Variants in DHRS7C observed in about 807,000 individuals in gnomAD.
DHRS7C encodes dehydrogenase/reductase SDR family member 7C.
DHRS7C carries 28 observed loss-of-function variants against 29.6 expected under a neutral mutation model. The ratio of observed to expected loss-of-function variants is 0.95; its 90% confidence interval spans 0.70 to 1.30. The LOEUF (loss-of-function observed/expected upper bound fraction) is 1.30. Among genes scored for constraint, DHRS7C ranks in the 50% most tolerant of loss-of-function variants. The pLI, the probability that DHRS7C is intolerant of heterozygous loss-of-function variation, is 0.00. For synonymous variants in DHRS7C, 158 were observed against 160.2 expected, an observed-to-expected ratio of 0.99 and a Z score of 0.10; for missense variants, 403 against 393.3, an observed-to-expected ratio of 1.02 and a Z score of -0.21.
intron 1 of DHRS7C, 64 bp downstream of exon 1, chr17:9,791,067 A>G: frequency 1.3e-6 from 2 of 1,539,562 alleles, no homozygotes; most frequent in Middle Eastern, 1.8e-4. Flanking sequence ...CCGCCCTGCC[A>G]CCCTGCCATC....
intron 1 of DHRS7C, among the ~76,000 whole-genome samples, chr17:9,784,743 T>G (rs1442233994): frequency 6.6e-6 from 1 of 152,160 alleles, no homozygotes; most frequent in Non-Finnish European, 1.5e-5. Context: ...AATACATAAA[T>G]GCAAACTAAA....
At position 9,781,362 on chromosome 17, in the gene DHRS7C, C is replaced by T. The variant is rs1166581898; in HGVS notation, c.267+120G>A. The T allele has an allele frequency of 5.6e-6, 5 of 893,374 alleles. No homozygotes were observed. In the African/African-American group the frequency reaches 6.6e-5, roughly 12 times the overall value. The allele number at this position is 893,374 out of a possible 1,614,324, so 55.3% of individuals were successfully genotyped here. A position where few individuals can be genotyped will look rare whatever the true frequency, so the allele number is the denominator to read the frequency against. On this transcript the variant is annotated intron_variant, in intron 2 of 5. Transcript: ENST00000571134. ...ATGTCAAGGTCATTGGGTTCATTGC[C>T]TCACATTCCCCAGAGCAATCACCAA...
rs144431013 is a variant in DHRS7C at position 9,772,798 on chromosome 17, C to G, written c.696G>C (p.Glu232Asp). 0.014 allele frequency: 22,645 copies of G among 1,613,846 alleles called. 215 individuals are homozygous for G. Among genetic ancestry groups the G allele is most frequent in the Middle Eastern group, 0.028 (169 of 6,060 alleles). ...TFIRSYHVYP[E>D]QGNWEASIWK... is the part of the protein sequence containing the mutation. ...AAATGGAAGCTTCCCAGTTTCCTTG[C>G]TCTGGATACACGTGGTACGACCGGA... Residue 232 changes from glutamate to aspartate, a missense_variant, in exon 5 of 6, where the codon GAG (glutamate) becomes GAC (aspartate). By Grantham distance (45) the Glu-to-Asp change is conservative (BLOSUM62 2). Transcript: ENST00000571134.
At chr17:9,777,464 G>A (rs936801003) in intron 3 of DHRS7C, among the ~76,000 whole-genome samples, 179 bp from the exon 4 acceptor site, 4 of 152,046 alleles carry the variant, frequency 2.6e-5, no homozygotes, top group South Asian at 4.1e-4. Flanking sequence ...TTTCCAAAGC[G>A]TGGGCTGGCG....
rs145420418 is a variant in DHRS7C, at chr17:9,779,304, G to A, written c.478+521C>T. On this transcript the variant is annotated intron_variant, in intron 3 of 5. Coordinates refer to ENST00000571134, the MANE Select transcript of DHRS7C (RefSeq NM_001105571.3). The stretch of plus-strand genomic sequence containing the variant: ...GAATCACCATCTTACTCATTAAAGG[G>A]AGACAGCCTCCTGCCTTTCCCTGTT... 2.7e-3 allele frequency among the ~76,000 whole-genome samples: 414 copies of A among 152,246 alleles called. 7 individuals are homozygous for A. Among genetic ancestry groups the A allele is most frequent in the African/African-American group, 9.7e-3 (404 of 41,550 alleles).
intron 3 of DHRS7C, among the ~76,000 whole-genome samples, chr17:9,778,827 C>A (rs1276958723): frequency 6.6e-6 from 1 of 152,170 alleles, no homozygotes; most frequent in Admixed American, 6.6e-5. Context: ...CCAGGACACC[C>A]CACTCCCTAA....
At chr17:9,791,092 G>T in intron 1 of DHRS7C, 39 bp downstream of exon 1, 1 of 1,580,444 alleles carries the variant, frequency 6.3e-7, no homozygotes, top group South Asian at 1.2e-5. Context: ...CAGTCCCTGG[G>T]GGCAGAAATG....
intron 1 of DHRS7C, among the ~76,000 whole-genome samples, chr17:9,781,818 C>A (rs1238223474): frequency 6.6e-6 from 1 of 152,202 alleles, no homozygotes; most frequent in Non-Finnish European, 1.5e-5. Context: ...TGGAGTGAGA[C>A]AACTCCTCCT....
At position 9,771,590 on chromosome 17, in the gene DHRS7C, G is replaced by A. The variant is rs753354119; in HGVS notation, c.834C>T (p.Ile278=). 1.9e-6 allele frequency: 3 copies of A among 1,598,452 alleles called. No homozygotes were observed. The highest frequency in any genetic ancestry group is 1.7e-5 in the Admixed American group (1 of 58,240). ...TGCGGACGTACACGGCGGCCTTGGG[G>A]ATGGGGTTGGCCATAAACACCTCTT... ...KKQEVFMANP[I]PKAAVYVRTF... The change falls in exon 6 of 6, where the codon ATC becomes ATT. Residue 278 remains isoleucine (I), a synonymous_variant. Coordinates refer to ENST00000571134, the MANE Select transcript of DHRS7C (RefSeq NM_001105571.3).
chr17:9,789,942 G>C (rs958279277), intron 1 of DHRS7C, among the ~76,000 whole-genome samples: 2 of 152,072 alleles, frequency 1.3e-5, no homozygotes, highest in Non-Finnish European at 2.9e-5. Flanking sequence ...TTGTGTGTGA[G>C]ACTCATCTAG....
chr17:9,780,440 A>T (rs1404425412), intron 2 of DHRS7C, among the ~76,000 whole-genome samples: 4 of 152,282 alleles, frequency 2.6e-5, no homozygotes, highest in African/African-American at 9.6e-5. Context: ...GAAAAAAAAA[A>T]ATCTATCACA....
In DHRS7C at chr17:9,773,028, A is replaced by G. The variant is rs960998234; in HGVS notation, c.572-106T>C. On this transcript the variant is annotated intron_variant, in intron 4 of 5. Transcript: ENST00000571134. ...CGACAGACACATTTCCTACAGGCGC[A>G]GAGCTGGGAAGATCCTCAAGAATCT... 5 of 1,333,882 alleles carry G rather than the reference A, an allele frequency of 3.7e-6. No homozygotes were observed. In the African/African-American group the frequency reaches 7.3e-5, roughly 20 times the overall value. The allele number at this position is 1,333,882 out of a possible 1,614,324, so 82.6% of individuals were successfully genotyped here. A position where few individuals can be genotyped will look rare whatever the true frequency, so the allele number is the denominator to read the frequency against.
chr17:9,778,651 A>T (rs1256904629), intron 3 of DHRS7C, among the ~76,000 whole-genome samples: 9 of 152,160 alleles, frequency 5.9e-5, no homozygotes, highest in Middle Eastern at 3.2e-3. Flanking sequence ...GGAAGCTGTT[A>T]TCTCTGGGAC....
At chr17:9,772,984 G>A (rs1220049332) in intron 4 of DHRS7C, 62 bp from the exon 5 acceptor site, 5 of 1,579,528 alleles carry the variant, frequency 3.2e-6, no homozygotes, top group South Asian at 2.3e-5. Context: ...CCTGGTGGGC[G>A]CATTGGAGGC....
chr17:9,774,011 C>T lies in DHRS7C; in HGVS notation c.572-1089G>A, dbSNP rs1387300475. Among the ~76,000 whole-genome samples the T allele has an allele frequency of 6.6e-6, 1 of 152,160 alleles. No homozygotes were observed. Among genetic ancestry groups the T allele is most frequent in the Non-Finnish European group, 1.5e-5 (1 of 68,036 alleles). ...GTGCTGGGATTACAGGCGTGAGCCA[C>T]CACGCCCAGCAAAACCATGCACTTT... On this transcript the variant is annotated intron_variant, in intron 4 of 5. Coordinates refer to ENST00000571134, the MANE Select transcript of DHRS7C (RefSeq NM_001105571.3). The surrounding 1 kb of genome is among the most constrained non-coding windows in gnomAD (Gnocchi z 5.0).
chr17:9,772,355 T>C (rs778743750), intron 5 of DHRS7C, among the ~76,000 whole-genome samples: 3 of 152,208 alleles, frequency 2.0e-5, no homozygotes, highest in Admixed American at 6.5e-5. Flanking sequence ...AACCCTCTAA[T>C]ACATGGCAGA....
chr17:9,791,079 T>G (rs945783355), intron 1 of DHRS7C, 52 bp downstream of exon 1: 3 of 1,561,148 alleles, frequency 1.9e-6, no homozygotes, highest in Middle Eastern at 1.7e-4. Context: ...CCTGCCATCC[T>G]GCCAGTCCCT....
At chr17:9,781,460 G>GC (rs773317842) in intron 2 of DHRS7C, 22 bp downstream of exon 2, 2 of 1,608,686 alleles carry the variant, frequency 1.2e-6, no homozygotes, top group South Asian at 1.1e-5. Flanking sequence ...AGTTACCCAC[G>GC]CCTACTGCTA....
rs200734929 is a variant in DHRS7C at position 9,791,335 on chromosome 17, G to A, written c.-51C>T. 24 of 1,593,082 alleles carry A rather than the reference G, an allele frequency of 1.5e-5. No individual in the cohort carries two copies. Among genetic ancestry groups the A allele is most frequent in the Admixed American group, 8.5e-5 (5 of 58,522 alleles). ...AAGGGGATTGGCTTTGCAAAGAGAC[G>A]CTGATCAGGACTCCCAGGGCAGGGG... is the stretch of plus-strand genomic sequence containing the variant. On this transcript the variant is annotated 5_prime_UTR_variant, in exon 1 of 6. Transcript: ENST00000571134.
Sources: allele counts gnomAD v4.1 joint callset (sites outside exome capture counted in the v4.1 genomes callset), GRCh38; gene constraint gnomAD v4.1.1; non-coding constraint Gnocchi (gnomAD v3.1); transcripts MANE v1.5; gene names NCBI Gene and HGNC (gene_info 2026-07-23, HGNC 2026-07-21).